Variants in KLHL3 observed in about 807,000 individuals in gnomAD.
KLHL3 encodes the protein kelch-like protein 3.
A neutral mutation model predicts 70.5 loss-of-function variants in KLHL3; 19 were observed. That is an observed-to-expected ratio of 0.27 (90% confidence interval 0.19 to 0.40). The LOEUF (loss-of-function observed/expected upper bound fraction) is 0.40, where lower values mean the gene tolerates loss of function less well. KLHL3 is among the 10% of genes least tolerant of loss of function. KLHL3 has a pLI of 1.00. For synonymous variants in KLHL3, 258 were observed against 290.3 expected (o/e 0.89, Z 1.13); for missense variants, 512 against 771.1 (o/e 0.66, Z 3.98).
chr5:137,703,453 C>T (rs1263013854), intron 3 of KLHL3, among the ~76,000 whole-genome samples: 1 of 152,188 alleles, frequency 6.6e-6, no homozygotes, highest in African/African-American at 2.4e-5. Context: ...AATACTCTGC[C>T]ATCTCCTTGA....
chr5:137,694,543 T>G (rs1187143752), intron 4 of KLHL3, among the ~76,000 whole-genome samples: 1 of 152,146 alleles, frequency 6.6e-6, no homozygotes, highest in African/African-American at 2.4e-5. Flanking sequence ...ACCAGATTAG[T>G]CTCTGCCTGC....
intron 3 of KLHL3, among the ~76,000 whole-genome samples, chr5:137,707,027 A>T (rs898324133): frequency 2.0e-5 from 3 of 152,212 alleles, no homozygotes; most frequent in Non-Finnish European, 4.4e-5. Flanking sequence ...CTTCCTGAGG[A>T]AGTGATGCTT....
At chr5:137,726,079 A>G (rs1260671797) in intron 1 of KLHL3, among the ~76,000 whole-genome samples, 1 of 152,078 alleles carries the variant, frequency 6.6e-6, no homozygotes, top group Non-Finnish European at 1.5e-5. Context: ...CCTGCACACC[A>G]TCGCCAAACT....
intron 1 of KLHL3, among the ~76,000 whole-genome samples, chr5:137,727,119 C>T (rs141504247): frequency 3.3e-5 from 5 of 152,154 alleles, no homozygotes; most frequent in African/African-American, 1.2e-4. Context: ...TCCCCACCCT[C>T]CCTTAAGCCT....
At chr5:137,654,293 G>A (rs995357095) in intron 8 of KLHL3, among the ~76,000 whole-genome samples, 3 of 152,110 alleles carry the variant, frequency 2.0e-5, no homozygotes, top group Non-Finnish European at 2.9e-5. Context: ...TCTTTAAACC[G>A]CTAACAAAAC....
chr5:137,622,847 T>A (rs1580711147), intron 14 of KLHL3, among the ~76,000 whole-genome samples: 1 of 152,368 alleles, frequency 6.6e-6, no homozygotes, highest in East Asian at 1.9e-4. Flanking sequence ...TACAGGTTGA[T>A]TCCGTCAACA....
Position 137,735,811 on chromosome 5 carries a change from G to T in KLHL3, c.-165C>A. 2 of 894,920 alleles carry T rather than the reference G, an allele frequency of 2.2e-6. No homozygotes were observed. The highest frequency in any genetic ancestry group is 1.4e-5 in the South Asian group (1 of 70,054). 55.4% of individuals were successfully genotyped at this position (894,920 alleles called of 1,614,324 possible). ...CTCCCTTCTCAATCCTCCTTCCTCT[G>T]ACTTACTCGCAGCAGCTTCTACCGC... On this transcript the variant is annotated 5_prime_UTR_variant, in exon 1 of 15. Transcript: ENST00000309755.
chr5:137,628,616 T>C, intron 12 of KLHL3, 179 bp from the exon 13 acceptor site: 1 of 547,460 alleles, frequency 1.8e-6, no homozygotes, highest in Admixed American at 3.6e-5. Context: ...CCTACCTGCC[T>C]CCTCATAAGA....
Position 137,639,898 on chromosome 5 carries a change from T to A in KLHL3, c.983A>T (p.Asp328Val). 1 of 1,614,098 alleles carries A rather than the reference T, an allele frequency of 6.2e-7. No homozygotes were observed. The highest frequency in any genetic ancestry group is 8.5e-7 in the Non-Finnish European group (1 of 1,180,002). Residue 328 changes from aspartate to valine, a missense_variant, in exon 9 of 15, where the codon GAT (aspartate) becomes GTT (valine). Transcript: ENST00000309755. The surrounding 1 kb of genome is among the most constrained non-coding windows in gnomAD (Gnocchi z 5.0). Reference protein sequence around the residue: ...ECYDFEEDRWDQIAELPSRRC... With the variant: ...ECYDFEEDRWVQIAELPSRRC... ...TCTGGAAGGAAGCTCAGCAATCTGA[T>A]CCCACCGGTCCTCCTCGAAATCATA... is the stretch of plus-strand genomic sequence containing the variant.
chr5:137,693,129 G>A (rs1288955930), intron 4 of KLHL3, among the ~76,000 whole-genome samples: 1 of 152,154 alleles, frequency 6.6e-6, no homozygotes, highest in Non-Finnish European at 1.5e-5. Flanking sequence ...TAGGCTCTGG[G>A]ATTCAGGGGT....
chr5:137,666,907 C>T (rs1751627948), intron 6 of KLHL3, among the ~76,000 whole-genome samples: 1 of 152,188 alleles, frequency 6.6e-6, no homozygotes, highest in South Asian at 2.1e-4. Context: ...TGATTAAATA[C>T]TCTTAAGCCT....
intron 1 of KLHL3, among the ~76,000 whole-genome samples, chr5:137,731,652 C>T (rs1306779653): frequency 6.6e-6 from 1 of 152,176 alleles, no homozygotes; most frequent in African/African-American, 2.4e-5. Flanking sequence ...GGACACCTCA[C>T]ACAAAATCAC....
intron 3 of KLHL3, among the ~76,000 whole-genome samples, chr5:137,704,079 G>A (rs1752626684): frequency 6.6e-6 from 1 of 152,180 alleles, no homozygotes; most frequent in Admixed American, 6.5e-5. Flanking sequence ...GATCAGAGAG[G>A]AAAGTGAATT....
At chr5:137,695,059 C>G (rs1752414162) in intron 4 of KLHL3, among the ~76,000 whole-genome samples, 1 of 152,168 alleles carries the variant, frequency 6.6e-6, no homozygotes, top group African/African-American at 2.4e-5. Flanking sequence ...GCCAGTGACA[C>G]ACAGTCCCTT....
intron 13 of KLHL3, 63 bp downstream of exon 13, chr5:137,628,234 C>CAA: frequency 6.3e-7 from 1 of 1,580,038 alleles, no homozygotes; most frequent in Non-Finnish European, 8.7e-7. Flanking sequence ...TGTTTAGAGC[C>CAA]AGTGTCTTCA....
rs35420153 is a variant in KLHL3 at position 137,634,086 on chromosome 5, G to A, written c.1401C>T (p.Thr467=). Residue 467 remains threonine, a synonymous_variant, in exon 12 of 15, where the codon ACC becomes ACT. Transcript: ENST00000309755. ...LSTVEQYNPA[T]NEWIYVADMS... The stretch of plus-strand genomic sequence containing the variant: ...TGTCCGCCACGTATATCCATTCATT[G>A]GTCGCTGGGTTGTACTGCTCCACAG... The A allele has an allele frequency of 6.2e-7, 1 of 1,614,176 alleles. No homozygotes were observed. The highest frequency in any genetic ancestry group is 8.5e-7 in the Non-Finnish European group (1 of 1,180,030).
chr5:137,706,500 T>G, intron 3 of KLHL3: 1 of 391,162 alleles, frequency 2.6e-6, no homozygotes, highest in Non-Finnish European at 3.5e-6. Flanking sequence ...GCGGCACATG[T>G]CTCAAAAGTC....
At chr5:137,677,690 A>C in intron 5 of KLHL3, 36 bp from the exon 6 acceptor site, 1 of 1,372,592 alleles carries the variant, frequency 7.3e-7, no homozygotes, top group Non-Finnish European at 1.0e-6. Flanking sequence ...TTAAGAAAAC[A>C]AAGTTGTAAC....
At chr5:137,670,465 T>C (rs750407430) in intron 6 of KLHL3, among the ~76,000 whole-genome samples, 4 of 149,728 alleles carry the variant, frequency 2.7e-5, no homozygotes, top group African/African-American at 4.9e-5. Flanking sequence ...GGATACTAGA[T>C]GCAGGAGATA....
Sources: gnomAD v4.1 joint callset for allele counts (sites outside exome capture counted in the v4.1 genomes callset) on GRCh38, gnomAD v4.1.1 for gene constraint, Gnocchi (gnomAD v3.1) non-coding constraint, MANE v1.5 for transcripts, NCBI Gene and HGNC (gene_info 2026-07-23, HGNC 2026-07-21) for gene names.